The following SMARCA2 variants were observed in gnomAD, a reference collection of about 807,000 sequenced individuals.
SMARCA2 encodes SWI/SNF-related matrix-associated actin-dependent regulator of chromatin subfamily A member 2.
SMARCA2 carries 61 observed loss-of-function variants against 199.8 expected under a neutral mutation model. That is an observed-to-expected ratio of 0.31 (90% CI 0.25 to 0.38). The LOEUF (loss-of-function observed/expected upper bound fraction) is 0.38. Among genes scored for constraint, SMARCA2 ranks in the 10% least tolerant of loss-of-function variants. SMARCA2 has a pLI of 1.00. For synonymous variants in SMARCA2, 935 were observed against 732.0 expected, an observed-to-expected ratio of 1.28 and a Z score of -4.48; for missense variants, 1,344 against 2,012.2, an observed-to-expected ratio of 0.67 and a Z score of 6.35.
intron 31 of SMARCA2, among the ~76,000 whole-genome samples, chr9:2,183,054 G>C (rs1471607109): frequency 6.6e-6 from 1 of 152,182 alleles, no homozygotes; most frequent in African/African-American, 2.4e-5. Flanking sequence ...GCCTCCCAAA[G>C]TGCTGGGATT....
chr9:2,025,539 A>C (rs897001655), intron 1 of SMARCA2, among the ~76,000 whole-genome samples: 3 of 152,100 alleles, frequency 2.0e-5, no homozygotes, highest in South Asian at 4.1e-4. Context: ...AGCCCACCCT[A>C]CTATGCTTAC....
chr9:2,133,423 G>A (rs1043474169), intron 27 of SMARCA2, among the ~76,000 whole-genome samples: 1 of 151,672 alleles, frequency 6.6e-6, no homozygotes. Flanking sequence ...CTGAGACTAC[G>A]GGTACGCACC....
intron 16 of SMARCA2, 53 bp downstream of exon 16, chr9:2,083,466 A>G (rs879360129): frequency 1.5e-4 from 172 of 1,120,190 alleles, no homozygotes; most frequent in Non-Finnish European, 2.2e-4. Context: ...AATAGACCCT[A>G]TTTTCTTCAT....
At chr9:2,078,921 G>A (rs7042274) in intron 14 of SMARCA2, among the ~76,000 whole-genome samples, 5 of 151,630 alleles carry the variant, frequency 3.3e-5, no homozygotes, top group Non-Finnish European at 4.4e-5. Flanking sequence ...CTCCAGCCTC[G>A]GCAACAGAGT....
chr9:2,058,509 T>C (rs772270341), intron 8 of SMARCA2, 45 bp downstream of exon 8: 3 of 1,530,636 alleles, frequency 2.0e-6, no homozygotes, highest in Admixed American at 1.7e-5. Context: ...TCAACCCACG[T>C]CCGTCTGCAA....
At chr9:2,026,277 G>A (rs779430014) in intron 1 of SMARCA2, among the ~76,000 whole-genome samples, 8 of 152,184 alleles carry the variant, frequency 5.3e-5, no homozygotes, top group Non-Finnish European at 1.0e-4. Flanking sequence ...CCACACACAT[G>A]CATTGAAGTC....
intron 23 of SMARCA2, among the ~76,000 whole-genome samples, chr9:2,109,787 C>CT (rs1424866413): frequency 6.6e-6 from 1 of 151,984 alleles, no homozygotes; most frequent in Non-Finnish European, 1.5e-5. Context: ...AAGAACTTTC[C>CT]TTTTTTTTCT....
intron 1 of SMARCA2, among the ~76,000 whole-genome samples, chr9:2,015,682 A>C (rs1382583095): frequency 6.6e-6 from 1 of 152,250 alleles, no homozygotes; most frequent in East Asian, 1.9e-4. Context: ...TTTCAACCGA[A>C]CCTTGCTGTT....
intron 27 of SMARCA2, among the ~76,000 whole-genome samples, chr9:2,141,662 C>A (rs181488407): frequency 3.3e-5 from 5 of 152,222 alleles, no homozygotes; most frequent in Admixed American, 3.3e-4. Context: ...TGCCCCATTT[C>A]TCTGGCCTAT....
chr9:2,084,573 A>T (rs1821718082), intron 17 of SMARCA2, among the ~76,000 whole-genome samples: 1 of 151,978 alleles, frequency 6.6e-6, no homozygotes, highest in South Asian at 2.1e-4. Flanking sequence ...TTGCCCTGAG[A>T]TATTGTCAGT....
intron 29 of SMARCA2, among the ~76,000 whole-genome samples, chr9:2,179,951 T>C (rs1378276305): frequency 6.6e-6 from 1 of 152,224 alleles, no homozygotes; most frequent in Non-Finnish European, 1.5e-5. Flanking sequence ...TGTTTGGGTG[T>C]ATAAATCTCA....
At chr9:2,163,134 G>A (rs1216413498) in intron 28 of SMARCA2, among the ~76,000 whole-genome samples, 1 of 152,154 alleles carries the variant, frequency 6.6e-6, no homozygotes, top group African/African-American at 2.4e-5. Flanking sequence ...TCCACCATGG[G>A]GTTTTGCTGT....
intron 27 of SMARCA2, among the ~76,000 whole-genome samples, chr9:2,139,540 A>G (rs759222727): frequency 6.6e-6 from 1 of 152,206 alleles, no homozygotes; most frequent in Non-Finnish European, 1.5e-5. Flanking sequence ...AAGAGAATTA[A>G]TAAGTCCAGC....
At chr9:2,066,159 A>G (rs982554617) in intron 9 of SMARCA2, among the ~76,000 whole-genome samples, 1 of 152,252 alleles carries the variant, frequency 6.6e-6, no homozygotes, top group African/African-American at 2.4e-5. Context: ...ATACCAGCAC[A>G]TTTGAATGTT....
chr9:2,192,414 G>A lies in SMARCA2; in HGVS notation c.4738-290G>A, dbSNP rs12342139. ...CTCCCATGAATTTTCTAAAACCTGG[G>A]GCTGAAAAAGAGAAAATATTAGCCA... On this transcript the variant is annotated intron_variant, in intron 33 of 33. Coordinates refer to ENST00000349721, the MANE Select transcript of SMARCA2 (RefSeq NM_003070.5). The A allele has an allele frequency of 4.8e-3, 1,690 of 354,384 alleles. 32 individuals carry two copies. The highest frequency in any genetic ancestry group is 0.033 in the African/African-American group (1,540 of 46,244). The allele number at this position is 354,384 out of a possible 1,614,324, so 22.0% of individuals were successfully genotyped here. A position where few individuals can be genotyped will look rare whatever the true frequency, so the allele number is the denominator to read the frequency against.
At chr9:2,159,449 T>C in intron 27 of SMARCA2, 1 of 210,764 alleles carries the variant, frequency 4.7e-6, no homozygotes, top group Non-Finnish European at 9.6e-6. Context: ...ACCATGCTGC[T>C]ATTTTTTAAA....
intron 28 of SMARCA2, among the ~76,000 whole-genome samples, chr9:2,168,202 G>A (rs1563820345): frequency 6.6e-6 from 1 of 151,828 alleles, no homozygotes; most frequent in Non-Finnish European, 1.5e-5. Flanking sequence ...GTAGAGACAG[G>A]GTTTTGCCAT....
intron 19 of SMARCA2, among the ~76,000 whole-genome samples, chr9:2,089,702 C>T (rs998848593): frequency 1.3e-5 from 2 of 152,134 alleles, no homozygotes; most frequent in East Asian, 3.9e-4. Flanking sequence ...ATTGATATTC[C>T]CTTGGACTTC....
chr9:2,096,506 A>T (rs1822279650), intron 19 of SMARCA2, 151 bp from the exon 20 acceptor site: 1 of 602,920 alleles, frequency 1.7e-6, no homozygotes, highest in African/African-American at 1.9e-5. Flanking sequence ...GTCTCTTCTA[A>T]CACCCCCATC....
Sources: allele counts gnomAD v4.1 joint callset (sites outside exome capture counted in the v4.1 genomes callset), GRCh38; gene constraint gnomAD v4.1.1; transcripts MANE v1.5; gene names NCBI Gene and HGNC (gene_info 2026-07-23, HGNC 2026-07-21).